Variants in DPP10 observed in about 807,000 individuals in gnomAD.
DPP10 encodes the protein dipeptidyl peptidase like 10.
DPP10 carries 33 observed loss-of-function variants against 120.9 expected under a neutral mutation model. That is an observed-to-expected ratio of 0.27 (90% CI 0.21 to 0.37). DPP10 has a LOEUF of 0.37. DPP10 is among the 10% of genes least tolerant of loss of function. The pLI is 1.00. For missense variants in DPP10, 816 were observed against 942.8 expected, an observed-to-expected ratio of 0.87 and a Z score of 1.76; for synonymous variants, 337 against 326.1, an observed-to-expected ratio of 1.03 and a Z score of -0.36.
At chr2:114,629,409 C>A (rs1437629214) in intron 1 of DPP10, among the ~76,000 whole-genome samples, 1 of 152,082 alleles carries the variant, frequency 6.6e-6, no homozygotes. Context: ...AAAAACAGCT[C>A]TCACAAAAGA....
At chr2:114,930,334 C>T (rs1009679240) in intron 1 of DPP10, among the ~76,000 whole-genome samples, 7 of 152,110 alleles carry the variant, frequency 4.6e-5, no homozygotes, top group Non-Finnish European at 8.8e-5. Context: ...AGGTCATTTC[C>T]TCGCTACCAA....
At chr2:115,687,531 G>T (rs2091065536) in intron 5 of DPP10, among the ~76,000 whole-genome samples, 1 of 125,388 alleles carries the variant, frequency 8.0e-6, no homozygotes, top group South Asian at 2.7e-4. Flanking sequence ...AGATAGATAT[G>T]GATGAGGCCC....
intron 1 of DPP10, among the ~76,000 whole-genome samples, chr2:115,018,108 A>T (rs540257049): frequency 1.6e-3 from 239 of 152,314 alleles, no homozygotes; most frequent in African/African-American, 5.3e-3. Context: ...CATGAAAAAA[A>T]GCTCATCATC....
chr2:115,698,797 T>C (rs1476988927), intron 7 of DPP10, among the ~76,000 whole-genome samples: 2 of 152,016 alleles, frequency 1.3e-5, no homozygotes, highest in African/African-American at 2.4e-5. Context: ...TATTTTGTTA[T>C]GGAAGGCTGA....
At chr2:115,441,551 A>G (rs2072045382) in intron 3 of DPP10, among the ~76,000 whole-genome samples, 1 of 152,102 alleles carries the variant, frequency 6.6e-6, no homozygotes, top group Non-Finnish European at 1.5e-5. Flanking sequence ...TTTATCTGAG[A>G]TGCCCTATGG....
At chr2:114,940,709 C>T (rs115514296) in intron 1 of DPP10, among the ~76,000 whole-genome samples, 7 of 151,990 alleles carry the variant, frequency 4.6e-5, no homozygotes, top group East Asian at 1.9e-4. Flanking sequence ...GAAATGAAAA[C>T]GTCAGGCTTT....
At chr2:115,347,889 G>A (rs758741863) in intron 3 of DPP10, among the ~76,000 whole-genome samples, 2 of 152,094 alleles carry the variant, frequency 1.3e-5, no homozygotes, top group Non-Finnish European at 2.9e-5. Flanking sequence ...CTATTGATGG[G>A]CATTTGGGTT....
chr2:115,835,485 T>C (rs1348016232), intron 21 of DPP10, among the ~76,000 whole-genome samples: 1 of 152,182 alleles, frequency 6.6e-6, no homozygotes, highest in Non-Finnish European at 1.5e-5. Flanking sequence ...TGAAAACATC[T>C]ATACATTTCC....
intron 3 of DPP10, among the ~76,000 whole-genome samples, chr2:115,479,112 A>G (rs2075274171): frequency 6.6e-6 from 1 of 152,312 alleles, no homozygotes; most frequent in African/African-American, 2.4e-5. Flanking sequence ...ACCCCTATTC[A>G]TAGCAGCATT....
chr2:115,466,822 A>G lies in DPP10; in HGVS notation c.272-32688A>G, dbSNP rs975434432. The stretch of plus-strand genomic sequence containing the variant: ...TGGATCTCTTTAGGTTTGTTTACTC[A>G]CAGGTAAAATGGTGGTTAATAATAT... On this transcript the variant is annotated intron_variant, in intron 3 of 25. Coordinates refer to ENST00000410059, the MANE Select transcript of DPP10 (RefSeq NM_020868.6). Among the ~76,000 whole-genome samples the G allele has an allele frequency of 2.9e-4, 44 of 152,148 alleles. 1 individual carries two copies. The highest frequency in any genetic ancestry group is 1.0e-3 in the African/African-American group (43 of 41,436).
chr2:114,722,604 G>A lies in DPP10; in HGVS notation c.60+279766G>A, dbSNP rs183358657. ...ATCCTGGCTAACACGGCGAAACCCC[G>A]TCTCTACTAAAAATACAAAAAATTA... is the stretch of plus-strand genomic sequence containing the variant. On this transcript the variant is annotated intron_variant, in intron 1 of 25. Coordinates refer to ENST00000410059, the MANE Select transcript of DPP10 (RefSeq NM_020868.6). 6.2e-3 allele frequency among the ~76,000 whole-genome samples: 934 copies of A among 151,654 alleles called. 10 individuals are homozygous for A. Among genetic ancestry groups the A allele is most frequent in the African/African-American group, 0.022 (897 of 41,334 alleles).
chr2:115,800,321 G>C (rs1188772242), intron 19 of DPP10, among the ~76,000 whole-genome samples: 5 of 151,926 alleles, frequency 3.3e-5, no homozygotes, highest in African/African-American at 1.2e-4. Context: ...GTTCATTGTA[G>C]ATTCTGGATA....
At chr2:115,763,827 A>C (rs1680392895) in intron 12 of DPP10, among the ~76,000 whole-genome samples, 2 of 152,292 alleles carry the variant, frequency 1.3e-5, no homozygotes, top group South Asian at 4.1e-4. Flanking sequence ...CATCCTTAAA[A>C]GGTCCACAAG....
chr2:114,953,057 T>C (rs1248481884), intron 1 of DPP10, among the ~76,000 whole-genome samples: 2 of 151,852 alleles, frequency 1.3e-5, no homozygotes, highest in African/African-American at 4.8e-5. Flanking sequence ...GGAGAGAATG[T>C]GTCAGTACCC....
At chr2:115,109,972 C>T (rs2104672991) in intron 1 of DPP10, among the ~76,000 whole-genome samples, 3 of 152,186 alleles carry the variant, frequency 2.0e-5, no homozygotes, top group Middle Eastern at 6.8e-3. Flanking sequence ...ACATGGATTC[C>T]CATAAGTAAC....
At chr2:115,719,177 A>G (rs1019774598) in intron 7 of DPP10, among the ~76,000 whole-genome samples, 1 of 152,126 alleles carries the variant, frequency 6.6e-6, no homozygotes, top group Admixed American at 6.5e-5. Flanking sequence ...GCTAACTTTT[A>G]TCTGGTATCC....
At chr2:114,651,994 T>G (rs1189344714) in intron 1 of DPP10, among the ~76,000 whole-genome samples, 1 of 152,186 alleles carries the variant, frequency 6.6e-6, no homozygotes, top group Non-Finnish European at 1.5e-5. Flanking sequence ...AGCTCCCAGA[T>G]GATTCCTATC....
intron 1 of DPP10, among the ~76,000 whole-genome samples, chr2:114,791,248 A>G (rs558927820): frequency 2.0e-5 from 3 of 152,208 alleles, no homozygotes; most frequent in Non-Finnish European, 4.4e-5. Flanking sequence ...AACAGTGGAG[A>G]AGCTCAATAT....
At chr2:115,271,697 T>TA (rs1192493362) in intron 1 of DPP10, among the ~76,000 whole-genome samples, 12 of 152,174 alleles carry the variant, frequency 7.9e-5, no homozygotes, top group East Asian at 5.8e-4. Context: ...AAAACATAGG[T>TA]AAAAAAACTT....
Sources: gnomAD v4.1 joint callset for allele counts (sites outside exome capture counted in the v4.1 genomes callset) on GRCh38, gnomAD v4.1.1 for gene constraint, MANE v1.5 for transcripts, NCBI Gene and HGNC (gene_info 2026-07-23, HGNC 2026-07-21) for gene names.